The following CELSR2 variants were observed in gnomAD, a reference collection of about 807,000 sequenced individuals.
CELSR2 encodes EGF-like protein 2.
In CELSR2, 81 loss-of-function variants were observed where a neutral mutation model predicts 251.6. That is an observed-to-expected ratio of 0.32 (90% CI 0.27 to 0.39). CELSR2 has a LOEUF of 0.39. CELSR2 is among the 10% of genes least tolerant of loss of function. The pLI is 1.00. For synonymous variants in CELSR2, 1,721 were observed against 1,670.5 expected (o/e 1.03, Z -0.74); for missense variants, 3,365 against 3,947.7 (o/e 0.85, Z 3.96).
chr1:109,263,805 G>T (rs1334944736), intron 9 of CELSR2, 28 bp downstream of exon 9: 1 of 1,606,802 alleles, frequency 6.2e-7, no homozygotes, highest in Non-Finnish European at 8.5e-7. Flanking sequence ...GGCTGGCCCT[G>T]GCCTGGCCAT....
intron 15 of CELSR2, 138 bp from the exon 16 acceptor site, chr1:109,267,410 C>T: frequency 4.3e-6 from 3 of 699,010 alleles, no homozygotes; most frequent in Non-Finnish European, 7.1e-6. Context: ...ACCTGTCTTC[C>T]TGTTTCACCA....
chr1:109,252,434 T>C lies in CELSR2; in HGVS notation c.2355T>C (p.Ile785=), dbSNP rs770242009. 8.7e-6 allele frequency: 14 copies of C among 1,613,430 alleles called. No individual in the cohort carries two copies. Among genetic ancestry groups the C allele is most frequent in the African/African-American group, 1.3e-5 (1 of 74,932 alleles). Residue 785 remains isoleucine, a synonymous_variant, in exon 1 of 34, where the codon ATT becomes ATC. Coordinates refer to ENST00000271332, the MANE Select transcript of CELSR2 (RefSeq NM_001408.3). This position sits in a 1 kb window ranked among gnomAD's most constrained non-coding sequence, Gnocchi z 4.8. ...ACCAAGTGTCTTACACCCTGGCCAT[T>C]ACTGCTCGGGACAATGGCATTCCCC... ...YEDQVSYTLA[I]TARDNGIPQK...
intron 15 of CELSR2, 52 bp from the exon 16 acceptor site, chr1:109,267,496 G>A: frequency 6.4e-7 from 1 of 1,557,032 alleles, no homozygotes; most frequent in Non-Finnish European, 8.8e-7. Context: ...CCAGTCTCAG[G>A]GGCTTCCTGT....
chr1:109,257,041 C>T (rs778344754), intron 1 of CELSR2, among the ~76,000 whole-genome samples: 6 of 152,228 alleles, frequency 3.9e-5, no homozygotes, highest in Admixed American at 1.3e-4. Context: ...TGAACACCTA[C>T]TATGTGTAAG....
At chr1:109,256,635 G>C (rs1655855170) in intron 1 of CELSR2, among the ~76,000 whole-genome samples, 1 of 145,896 alleles carries the variant, frequency 6.9e-6, no homozygotes, top group Non-Finnish European at 1.5e-5. Context: ...GGCTCCCCCT[G>C]CTATGTGGTT....
chr1:109,272,173 A>G lies in CELSR2; in HGVS notation c.7927-105A>G, dbSNP rs1557737625. ...AGGGCCCTCTCTTTCAGACCTGAGC[A>G]TGTGGAAGGTGGAACTTAGGGCAAG... On this transcript the variant is annotated intron_variant, in intron 28 of 33. Coordinates refer to ENST00000271332, the MANE Select transcript of CELSR2 (RefSeq NM_001408.3). The G allele has an allele frequency of 3.0e-5, 42 of 1,393,024 alleles. 1 individual carries two copies. In the South Asian group the frequency reaches 5.4e-4, roughly 18 times the overall value. 86.3% of individuals were successfully genotyped at this position (1,393,024 alleles called of 1,614,324 possible).
At chr1:109,255,622 G>A (rs1293475885) in intron 1 of CELSR2, among the ~76,000 whole-genome samples, 1 of 152,220 alleles carries the variant, frequency 6.6e-6, no homozygotes, top group Non-Finnish European at 1.5e-5. Context: ...CCGGGACCTG[G>A]CACTTTTCCA....
In CELSR2 at chr1:109,272,392, C is replaced by T; in HGVS notation, c.8041C>T (p.Pro2681Ser). 1 of 1,609,282 alleles carries T rather than the reference C, an allele frequency of 6.2e-7. No homozygotes were observed. The change falls in exon 29 of 34, where the codon CCC becomes TCC. Residue 2681 changes from proline to serine, a missense_variant. By Grantham distance (74) the Pro-to-Ser change is moderately conservative. Coordinates refer to ENST00000271332, the MANE Select transcript of CELSR2 (RefSeq NM_001408.3). ...GGGCAAGAGTCAGCCCAGCTACATC[C>T]CCTTCTTGCTGAGGTGAATCCCGGA... ...RSGKSQPSYI[P>S]FLLREESALN...
rs775842783 is a variant in CELSR2, at chr1:109,269,651, G to A, written c.6981-43G>A. The A allele has an allele frequency of 6.2e-7, 1 of 1,613,738 alleles. No homozygotes were observed. Among genetic ancestry groups the A allele is most frequent in the African/African-American group, 1.3e-5 (1 of 75,046 alleles). ...GGGCTGAAAGTCCAGGCCCCTGCAT[G>A]CCTCACCCTCCTTGTCTCCCTGACC... On this transcript the variant is annotated intron_variant, in intron 21 of 33. Transcript: ENST00000271332. This position sits in a 1 kb window ranked among gnomAD's most constrained non-coding sequence, Gnocchi z 6.4.
At position 109,269,969 on chromosome 1, in the gene CELSR2, G is replaced by A. The variant is rs772761479; in HGVS notation, c.7144G>A (p.Val2382Met). ...CCTGCCACTGAAGACACTGACATACGTGGCTCTAGGTGTCACCTTGGCTGC... is the reference window on the plus strand; with the variant it reads ...CCTGCCACTGAAGACACTGACATACATGGCTCTAGGTGTCACCTTGGCTGC... ...EILPLKTLTY[V>M]ALGVTLAALL... Residue 2382 changes from valine (V) to methionine (M), a missense_variant, in exon 23 of 34, where the codon GTG (valine) becomes ATG (methionine). This residue lies in a region of CELSR2 where 2,093 missense variants were observed against 2,382.8 expected (regional missense o/e 0.88). Coordinates refer to ENST00000271332, the MANE Select transcript of CELSR2 (RefSeq NM_001408.3). This position sits in a 1 kb window ranked among gnomAD's most constrained non-coding sequence, Gnocchi z 6.4. 1.4e-5 allele frequency: 22 copies of A among 1,613,978 alleles called. No homozygotes were observed. The highest frequency in any genetic ancestry group is 2.2e-5 in the East Asian group (1 of 44,882).
At chr1:109,266,654 G>A (rs1178223286) in intron 15 of CELSR2, among the ~76,000 whole-genome samples, 1 of 135,656 alleles carries the variant, frequency 7.4e-6, no homozygotes, top group African/African-American at 2.8e-5. Flanking sequence ...CTCATGATCC[G>A]CCTGCCTCGG....
Position 109,261,218 on chromosome 1 carries a change from A to G in CELSR2, c.4135A>G (p.Thr1379Ala). Reference sequence around the variant, plus strand: ...CAGCTTCCCCGCCCACTCCTTCATCACCTTTCGCGGCCTGCGCCAGCGTTT... The same window carrying G: ...CAGCTTCCCCGCCCACTCCTTCATCGCCTTTCGCGGCCTGCGCCAGCGTTT... ...TRSFPAHSFITFRGLRQRFHF... is the reference protein window; with the variant it reads ...TRSFPAHSFIAFRGLRQRFHF... The change falls in exon 3 of 34, where the codon ACC becomes GCC. Residue 1379 changes from threonine to alanine, a missense_variant. Transcript: ENST00000271332. The surrounding 1 kb of genome is among the most constrained non-coding windows in gnomAD (Gnocchi z 4.8). 1 of 1,613,700 alleles carries G rather than the reference A, an allele frequency of 6.2e-7. No individual in the cohort carries two copies. Among genetic ancestry groups the G allele is most frequent in the East Asian group, 2.2e-5 (1 of 44,872 alleles).
rs1178938128 is a variant in CELSR2 at position 109,251,895 on chromosome 1, A to G, written c.1816A>G (p.Asn606Asp). The change falls in exon 1 of 34, where the codon AAC becomes GAC. Residue 606 changes from asparagine (N) to aspartate (D), a missense_variant. Transcript: ENST00000271332. The surrounding 1 kb of genome is among the most constrained non-coding windows in gnomAD (Gnocchi z 4.9). Reference protein sequence around the residue: ...VSVTVLDVNDNNPTFTQPEYT... With the variant: ...VSVTVLDVNDDNPTFTQPEYT... ...CGTGACTGTCCTGGATGTCAACGAC[A>G]ACAATCCAACCTTTACCCAACCAGA... 4.3e-6 allele frequency: 7 copies of G among 1,614,108 alleles called. No individual in the cohort carries two copies. Among genetic ancestry groups the G allele is most frequent in the Non-Finnish European group, 5.9e-6 (7 of 1,180,010 alleles).
At chr1:109,272,598 A>C (rs981791080) in intron 29 of CELSR2, 42 bp from the exon 30 acceptor site, 20 of 1,579,544 alleles carry the variant, frequency 1.3e-5, no homozygotes, top group Non-Finnish European at 1.6e-5. Flanking sequence ...ACCCTGGGCA[A>C]GGGGCCAGGC....
Position 109,266,988 on chromosome 1 carries a change from C to T in CELSR2, c.6014-560C>T, listed in dbSNP as rs183714245. Among the ~76,000 whole-genome samples, 81 of 151,392 alleles carry T rather than the reference C, an allele frequency of 5.4e-4. No homozygotes were observed. The East Asian group carries it at 0.012, about 23-fold the overall frequency. ...AGCCCGCCTCGGCCTCCCAAAGTGC[C>T]GAGATTACAGGCGTGAGCCACCGTG... is the stretch of plus-strand genomic sequence containing the variant. On this transcript the variant is annotated intron_variant, in intron 15 of 33. Coordinates refer to ENST00000271332, the MANE Select transcript of CELSR2 (RefSeq NM_001408.3).
Position 109,274,722 on chromosome 1 carries a change from A to G in CELSR2, c.*673A>G, listed in dbSNP as rs1308463360. ...CCCCTGGACCCCCAAATGCTGCATG[A>G]ACACATTTTCAGGGGAGCCTGTGCC... is the stretch of plus-strand genomic sequence containing the variant. On this transcript the variant is annotated 3_prime_UTR_variant, in exon 34 of 34. Coordinates refer to ENST00000271332, the MANE Select transcript of CELSR2 (RefSeq NM_001408.3). The G allele has an allele frequency of 1.3e-5, 2 of 152,770 alleles. No homozygotes were observed. Among genetic ancestry groups the G allele is most frequent in the African/African-American group, 4.8e-5 (2 of 41,468 alleles). 9.5% of individuals were successfully genotyped at this position (152,770 alleles called of 1,614,324 possible).
chr1:109,273,934 T>G (rs1259471889), intron 33 of CELSR2, 88 bp from the exon 34 acceptor site: 12 of 1,538,260 alleles, frequency 7.8e-6, no homozygotes, highest in Non-Finnish European at 1.1e-5. Context: ...TCCTGTTTCC[T>G]TCGTCTGGTG....
chr1:109,256,892 T>C (rs1306403281), intron 1 of CELSR2, among the ~76,000 whole-genome samples: 1 of 152,094 alleles, frequency 6.6e-6, no homozygotes, highest in Non-Finnish European at 1.5e-5. Context: ...ACTCCTGACC[T>C]CGTGATCCAC....
Position 109,253,003 on chromosome 1 carries a change from C to G in CELSR2, c.2924C>G (p.Ser975Cys), listed in dbSNP as rs1284353357. The part of the protein sequence containing the change: ...IPEVFQLDIF[S>C]GELTALVDLD... ...GAGGTCTTTCAGCTGGACATCTTCT[C>G]CGGGGAGCTGACAGCCCTGGTAGAC... Residue 975 changes from serine (S) to cysteine (C), a missense_variant, in exon 1 of 34, where the codon TCC (serine) becomes TGC (cysteine). Coordinates refer to ENST00000271332, the MANE Select transcript of CELSR2 (RefSeq NM_001408.3). The G allele has an allele frequency of 6.2e-7, 1 of 1,612,562 alleles. No homozygotes were observed. The highest frequency in any genetic ancestry group is 8.5e-7 in the Non-Finnish European group (1 of 1,179,192).
Sources: gnomAD v4.1 joint callset for allele counts (sites outside exome capture counted in the v4.1 genomes callset) on GRCh38, gnomAD v4.1.1 for gene constraint, gnomAD v4.1.1 regional missense constraint, Gnocchi (gnomAD v3.1) non-coding constraint, MANE v1.5 for transcripts, NCBI Gene and HGNC (gene_info 2026-07-23, HGNC 2026-07-21) for gene names.